CLIC5: variants seen among roughly 807,000 people sequenced by gnomAD.
The protein encoded by CLIC5 is chloride intracellular channel protein 5.
In CLIC5, 20 loss-of-function variants were observed where a neutral mutation model predicts 24.7. That is an observed-to-expected ratio of 0.81 (90% confidence interval 0.57 to 1.18). The LOEUF (loss-of-function observed/expected upper bound fraction) is 1.18. Among genes scored for constraint, CLIC5 ranks in the 50% most tolerant of loss-of-function variants. The probability of loss-of-function intolerance (pLI) is 0.00; values close to 1 mark genes in which losing one functional copy is unlikely to be tolerated. For missense variants in CLIC5, 341 were observed against 326.1 expected, an observed-to-expected ratio of 1.05 and a Z score of -0.35; for synonymous variants, 159 against 135.6, an observed-to-expected ratio of 1.17 and a Z score of -1.20.
chr6:45,941,720 C>T (rs771220484), intron 3 of CLIC5, 67 bp from the exon 4 acceptor site: 1 of 1,185,532 alleles, frequency 8.4e-7, no homozygotes, highest in Admixed American at 1.7e-5. Flanking sequence ...TGAGCCTATC[C>T]CTATCATGAT....
At chr6:46,077,087 T>TC (rs199606828) in intron 1 of CLIC5, among the ~76,000 whole-genome samples, 26 of 148,746 alleles carry the variant, frequency 1.7e-4, no homozygotes, top group East Asian at 3.9e-4. Flanking sequence ...TGAAACTCCG[T>TC]CCCAAAAAAA....
rs1165663329 is a variant in CLIC5 at position 45,903,172 on chromosome 6, A to G, written c.672T>C (p.Arg224=). ...CTGCACAGGTGTTGGTGAACTCATC[A>G]CGGGCATAGGCGTTCTTGAGGTACC... is the stretch of plus-strand genomic sequence containing the variant. ...LWRYLKNAYA[R]DEFTNTCAAD... is the part of the protein sequence containing the mutation. Residue 224 remains arginine (R), a synonymous_variant, in exon 6 of 6, where the codon CGT becomes CGC. Coordinates refer to ENST00000339561, the MANE Select transcript of CLIC5 (RefSeq NM_016929.5). The G allele has an allele frequency of 1.2e-6, 2 of 1,614,120 alleles. No homozygotes were observed. Among genetic ancestry groups the G allele is most frequent in the Admixed American group, 1.7e-5 (1 of 60,014 alleles).
intron 2 of CLIC5, among the ~76,000 whole-genome samples, chr6:45,949,909 T>C (rs1764412034): frequency 6.6e-6 from 1 of 152,234 alleles, no homozygotes; most frequent in Non-Finnish European, 1.5e-5. Flanking sequence ...ATCTAATAAC[T>C]AATGTCTAAC....
rs62400482 is a variant in CLIC5 at position 45,967,192 on chromosome 6, C to A, written c.64-11948G>T. Among the ~76,000 whole-genome samples, 532 of 152,320 alleles carry A rather than the reference C, an allele frequency of 3.5e-3. 4 individuals carry two copies. Among genetic ancestry groups the A allele is most frequent in the Non-Finnish European group, 5.5e-3 (374 of 68,020 alleles). ...CTGTATCTCCACTCTCAACTATATGCAGGCACTTGGCCACTTGGGCAGGGT... is the reference window on the plus strand; with the variant it reads ...CTGTATCTCCACTCTCAACTATATGAAGGCACTTGGCCACTTGGGCAGGGT... On this transcript the variant is annotated intron_variant, in intron 1 of 5. Transcript: ENST00000339561.
At chr6:46,007,093 TG>T (rs1247555691) in intron 1 of CLIC5, among the ~76,000 whole-genome samples, 2 of 152,304 alleles carry the variant, frequency 1.3e-5, no homozygotes, top group East Asian at 3.9e-4. Context: ...TCCCTAGCCC[TG>T]AGCCCCTGTG....
At chr6:45,951,333 C>T (rs1426517190) in intron 2 of CLIC5, among the ~76,000 whole-genome samples, 1 of 152,126 alleles carries the variant, frequency 6.6e-6, no homozygotes, top group African/African-American at 2.4e-5. Context: ...AACGCAGTCC[C>T]AATTGAATGA....
intron 6 of CLIC5, among the ~76,000 whole-genome samples, chr6:45,884,749 A>C (rs1425391792): frequency 6.6e-6 from 1 of 152,054 alleles, no homozygotes; most frequent in Non-Finnish European, 1.5e-5. Flanking sequence ...ACGTGTGGAT[A>C]CCGATGCCCA....
At chr6:45,971,188 A>G (rs1206156548) in intron 1 of CLIC5, among the ~76,000 whole-genome samples, 1 of 152,232 alleles carries the variant, frequency 6.6e-6, no homozygotes, top group Non-Finnish European at 1.5e-5. Flanking sequence ...CTATCCACAG[A>G]GTGGATTCCT....
chr6:45,918,560 G>A (rs1423052088), intron 4 of CLIC5, among the ~76,000 whole-genome samples: 1 of 152,246 alleles, frequency 6.6e-6, no homozygotes, highest in Non-Finnish European at 1.5e-5. Flanking sequence ...GAACAGCTCT[G>A]TGGGCCCAGG....
chr6:45,996,098 T>A (rs1013454146), intron 1 of CLIC5, among the ~76,000 whole-genome samples: 2 of 146,920 alleles, frequency 1.4e-5, no homozygotes, highest in South Asian at 2.1e-4. Flanking sequence ...AACCTGCACA[T>A]CCTGCACATG....
upstream of CLIC5, among the ~76,000 whole-genome samples, chr6:46,081,910 C>A (rs1406224696): frequency 1.3e-5 from 2 of 152,112 alleles, no homozygotes; most frequent in Non-Finnish European, 2.9e-5. Context: ...ACACACTGTC[C>A]CTTCCCTGCT....
At chr6:46,066,122 T>C (rs532643390) in intron 1 of CLIC5, among the ~76,000 whole-genome samples, 1 of 152,308 alleles carries the variant, frequency 6.6e-6, no homozygotes, top group Non-Finnish European at 1.5e-5. Context: ...ATGAGGTGTC[T>C]GAAGGAGTAT....
At chr6:46,022,989 A>G (rs987037507) in intron 1 of CLIC5, among the ~76,000 whole-genome samples, 1 of 152,142 alleles carries the variant, frequency 6.6e-6, no homozygotes, top group Non-Finnish European at 1.5e-5. Context: ...GACCCACAGG[A>G]TATAATGGTC....
At position 45,900,963 on chromosome 6, in the gene CLIC5, T is replaced by A. The variant is rs1240793297; in HGVS notation, c.*2125A>T. ...ACCGGAGGCTTGGTTCTGTTTTCTC[T>A]GTGGCAATTGGCTATGATTCACAGA... On this transcript the variant is annotated 3_prime_UTR_variant, in exon 6 of 6. Coordinates refer to ENST00000339561, the MANE Select transcript of CLIC5 (RefSeq NM_016929.5). The A allele has an allele frequency of 2.0e-5, 3 of 152,234 alleles. No individual in the cohort carries two copies. Among genetic ancestry groups the A allele is most frequent in the African/African-American group, 4.8e-5 (2 of 41,460 alleles). The allele number at this position is 152,234 out of a possible 1,614,324, so 9.4% of individuals were successfully genotyped here. A position where few individuals can be genotyped will look rare whatever the true frequency, so the allele number is the denominator to read the frequency against.
chr6:45,912,658 G>T, intron 5 of CLIC5: 7 of 1,532,360 alleles, frequency 4.6e-6, no homozygotes, highest in Non-Finnish European at 4.4e-6. Context: ...CGGAACTCGG[G>T]TCTCCTGATC....
At chr6:46,027,806 G>A (rs1398924911) in intron 1 of CLIC5, among the ~76,000 whole-genome samples, 1 of 152,124 alleles carries the variant, frequency 6.6e-6, no homozygotes, top group African/African-American at 2.4e-5. Context: ...AACTACAGAA[G>A]GCCAGGACTT....
intron 4 of CLIC5, among the ~76,000 whole-genome samples, chr6:45,925,471 C>A (rs937505481): frequency 6.6e-6 from 1 of 152,134 alleles, no homozygotes; most frequent in African/African-American, 2.4e-5. Flanking sequence ...CGCGTGCCAC[C>A]ACGCCTGGCT....
intron 1 of CLIC5, among the ~76,000 whole-genome samples, chr6:46,058,461 A>G (rs1768321784): frequency 6.6e-6 from 1 of 152,224 alleles, no homozygotes; most frequent in Non-Finnish European, 1.5e-5. Context: ...TGAGATTTGA[A>G]TTCAATTGTA....
At chr6:46,009,548 G>T (rs1766726426) in intron 1 of CLIC5, among the ~76,000 whole-genome samples, 1 of 152,094 alleles carries the variant, frequency 6.6e-6, no homozygotes, top group Admixed American at 6.5e-5. Flanking sequence ...CTCCAGTCTT[G>T]ACAACAGATA....
Sources: gnomAD v4.1 joint callset for allele counts (sites outside exome capture counted in the v4.1 genomes callset) on GRCh38, gnomAD v4.1.1 for gene constraint, MANE v1.5 for transcripts, NCBI Gene and HGNC (gene_info 2026-07-23, HGNC 2026-07-21) for gene names.